Variants in CAB39 observed in about 807,000 individuals in gnomAD.
The protein encoded by CAB39 is calcium binding protein 39, also known as calcium-binding protein 39.
A neutral mutation model predicts 40.0 loss-of-function variants in CAB39; 8 were observed. That is an observed-to-expected ratio of 0.20 (90% CI 0.12 to 0.36). The LOEUF (loss-of-function observed/expected upper bound fraction) is 0.36, where lower values mean the gene tolerates loss of function less well. Ranked by LOEUF, CAB39 falls within the 10% of genes least tolerant of loss-of-function variation. CAB39 has a pLI of 1.00. For synonymous variants in CAB39, 156 were observed against 141.6 expected, an observed-to-expected ratio of 1.10 and a Z score of -0.72; for missense variants, 270 against 401.1, an observed-to-expected ratio of 0.67 and a Z score of 2.79.
At chr2:230,765,871 A>T (rs1695376709) in intron 2 of CAB39, among the ~76,000 whole-genome samples, 1 of 152,220 alleles carries the variant, frequency 6.6e-6, no homozygotes. Flanking sequence ...CTAAACCAGC[A>T]TTGAACAAGA....
intron 1 of CAB39, among the ~76,000 whole-genome samples, chr2:230,754,380 T>TCCCCCTCCTTCTTCCC (rs1695149225): frequency 7.4e-6 from 1 of 134,922 alleles, no homozygotes; most frequent in Non-Finnish European, 1.6e-5. Flanking sequence ...TCTGCCTTCC[T>TCCCCCTCCTTCTTCCC]CTTCCCCTCC....
chr2:230,769,269 A>G (rs1415338476), intron 2 of CAB39, among the ~76,000 whole-genome samples: 1 of 152,216 alleles, frequency 6.6e-6, no homozygotes, highest in African/African-American at 2.4e-5. Context: ...ATAAAACCTG[A>G]TAGAACTGCA....
intron 4 of CAB39, among the ~76,000 whole-genome samples, 195 bp downstream of exon 4, chr2:230,793,526 G>A (rs1695926762): frequency 6.6e-6 from 1 of 151,980 alleles, no homozygotes; most frequent in Non-Finnish European, 1.5e-5. Context: ...CCTACAGGTG[G>A]GAATTTAAAA....
intron 7 of CAB39, among the ~76,000 whole-genome samples, chr2:230,814,702 C>T (rs1696369172): frequency 6.6e-6 from 1 of 152,154 alleles, no homozygotes; most frequent in African/African-American, 2.4e-5. Context: ...TTGTCTGTGG[C>T]TGTTTTGAGC....
intron 4 of CAB39, among the ~76,000 whole-genome samples, chr2:230,797,656 G>C (rs1696011528): frequency 6.6e-6 from 1 of 152,122 alleles, no homozygotes; most frequent in African/African-American, 2.4e-5. Flanking sequence ...ACATGGAGGT[G>C]GGGTTAGTAG....
At chr2:230,713,279 C>A (rs1376337108) in intron 1 of CAB39, 49 bp downstream of exon 1, 1 of 152,260 alleles carries the variant, frequency 6.6e-6, no homozygotes, top group African/African-American at 2.4e-5. Flanking sequence ...GCCTGCCCGG[C>A]TTCCGCCTGC....
intron 4 of CAB39, 37 bp from the exon 5 acceptor site, chr2:230,798,692 A>G: frequency 6.5e-7 from 1 of 1,547,850 alleles, no homozygotes; most frequent in South Asian, 1.2e-5. Context: ...AAAAGCAATC[A>G]TGTTTGGTTT....
At chr2:230,715,972 C>G (rs754386815) in intron 1 of CAB39, among the ~76,000 whole-genome samples, 1 of 152,232 alleles carries the variant, frequency 6.6e-6, no homozygotes, top group Non-Finnish European at 1.5e-5. Flanking sequence ...GCAGGGATTA[C>G]AGGCGTGAGC....
At chr2:230,731,390 C>T (rs1694685901) in intron 1 of CAB39, among the ~76,000 whole-genome samples, 1 of 152,136 alleles carries the variant, frequency 6.6e-6, no homozygotes, top group South Asian at 2.1e-4. Context: ...AAATAAAATT[C>T]CTTTTTCATT....
intron 1 of CAB39, among the ~76,000 whole-genome samples, chr2:230,751,221 G>A (rs1385299161): frequency 1.3e-5 from 2 of 152,196 alleles, no homozygotes. Context: ...TGACCACGAA[G>A]TTCGTGAGTC....
chr2:230,799,051 A>G (rs545120050), intron 5 of CAB39, 154 bp downstream of exon 5: 5 of 554,376 alleles, frequency 9.0e-6, no homozygotes, highest in Non-Finnish European at 1.5e-5. Context: ...AGGTATATGC[A>G]GTAAAGTCAC....
intron 2 of CAB39, among the ~76,000 whole-genome samples, chr2:230,768,398 T>G (rs985291033): frequency 6.6e-6 from 1 of 152,204 alleles, no homozygotes; most frequent in African/African-American, 2.4e-5. Context: ...AGGTTTATGT[T>G]CATCATCTTC....
chr2:230,790,536 C>T (rs139680373), intron 2 of CAB39, among the ~76,000 whole-genome samples: 2 of 152,284 alleles, frequency 1.3e-5, no homozygotes, highest in African/African-American at 4.8e-5. Flanking sequence ...AGGGATCAGC[C>T]CAGTTGCCTC....
At chr2:230,750,398 G>A (rs1377780639) in intron 1 of CAB39, among the ~76,000 whole-genome samples, 1 of 152,128 alleles carries the variant, frequency 6.6e-6, no homozygotes, top group African/African-American at 2.4e-5. Flanking sequence ...TTAAGATATA[G>A]CACAAAACCC....
chr2:230,739,787 T>C (rs1694845953), intron 1 of CAB39, among the ~76,000 whole-genome samples: 1 of 152,158 alleles, frequency 6.6e-6, no homozygotes, highest in South Asian at 2.1e-4. Flanking sequence ...AGCCACCACC[T>C]CCAGCCTCTA....
intron 4 of CAB39, among the ~76,000 whole-genome samples, chr2:230,797,854 ATC>A (rs924011552): frequency 6.6e-6 from 1 of 152,200 alleles, no homozygotes; most frequent in Non-Finnish European, 1.5e-5. Context: ...CCAAGAGGGA[ATC>A]TTTGCTGGCC....
chr2:230,789,811 C>T (rs1695861924), intron 2 of CAB39, among the ~76,000 whole-genome samples: 1 of 152,208 alleles, frequency 6.6e-6, no homozygotes, highest in Admixed American at 6.5e-5. Flanking sequence ...TGGAGAACAC[C>T]TCTTCTGGCT....
At chr2:230,770,614 C>T (rs1182901225) in intron 2 of CAB39, among the ~76,000 whole-genome samples, 1 of 152,070 alleles carries the variant, frequency 6.6e-6, no homozygotes, top group African/African-American at 2.4e-5. Context: ...ATAATCATCG[C>T]CAAATCAGAC....
chr2:230,810,521 G>T (rs1246297717), intron 6 of CAB39, among the ~76,000 whole-genome samples, 199 bp downstream of exon 6: 2 of 152,160 alleles, frequency 1.3e-5, no homozygotes, highest in Non-Finnish European at 2.9e-5. Flanking sequence ...TTGACATACT[G>T]CCCTTTGAAG....
Sources: gnomAD v4.1 joint callset for allele counts (sites outside exome capture counted in the v4.1 genomes callset) on GRCh38, gnomAD v4.1.1 for gene constraint, MANE v1.5 for transcripts, NCBI Gene and HGNC (gene_info 2026-07-23, HGNC 2026-07-21) for gene names.